EYS: variants seen among roughly 807,000 people sequenced by gnomAD.
EYS encodes EGF-like photoreceptor maintenance factor.
EYS carries 250 observed loss-of-function variants against 282.1 expected under a neutral mutation model. The observed-to-expected ratio is 0.89, with a 90% CI of 0.80 to 0.98. The LOEUF is 0.98. EYS is among the 50% of genes least tolerant of loss of function. The pLI is 0.00. For synonymous variants in EYS, 1,355 were observed against 1,282.9 expected (o/e 1.06, Z -1.20); for missense variants, 4,016 against 3,709.0 (o/e 1.08, Z -2.15).
At chr6:65,076,114 A>G (rs1774043264) in intron 12 of EYS, among the ~76,000 whole-genome samples, 1 of 152,044 alleles carries the variant, frequency 6.6e-6, no homozygotes, top group African/African-American at 2.4e-5. Context: ...TTTTAAAGGT[A>G]AAGATGATAG....
intron 10 of EYS, among the ~76,000 whole-genome samples, chr6:65,335,635 T>A (rs942312500): frequency 2.0e-5 from 3 of 151,668 alleles, no homozygotes; most frequent in African/African-American, 4.8e-5. Flanking sequence ...ATGGGATGTA[T>A]GTTACATACA....
intron 12 of EYS, among the ~76,000 whole-genome samples, chr6:65,268,758 C>T (rs941179879): frequency 5.3e-5 from 8 of 151,506 alleles, no homozygotes; most frequent in African/African-American, 1.7e-4. Context: ...TAGAACTAAA[C>T]GCAAGAGGAA....
intron 31 of EYS, among the ~76,000 whole-genome samples, chr6:64,094,301 T>C (rs1288104618): frequency 6.6e-6 from 1 of 151,928 alleles, no homozygotes; most frequent in African/African-American, 2.4e-5. Context: ...CTTTTTTTTC[T>C]ATTAATTGGA....
chr6:64,384,404 A>G (rs1326630232), intron 29 of EYS, among the ~76,000 whole-genome samples: 1 of 152,234 alleles, frequency 6.6e-6, no homozygotes, highest in Non-Finnish European at 1.5e-5. Flanking sequence ...TAGTACATGC[A>G]ATCACACATG....
chr6:65,023,545 G>C (rs1239687993), intron 13 of EYS, among the ~76,000 whole-genome samples: 1 of 152,118 alleles, frequency 6.6e-6, no homozygotes, highest in Non-Finnish European at 1.5e-5. Flanking sequence ...TCCAAAATAA[G>C]AAAAATGGGA....
chr6:65,624,850 A>G (rs1044689940), intron 2 of EYS, among the ~76,000 whole-genome samples: 1 of 152,108 alleles, frequency 6.6e-6, no homozygotes, highest in Non-Finnish European at 1.5e-5. Context: ...TGGCTTCCCT[A>G]CTTTTCAGAT....
intron 22 of EYS, among the ~76,000 whole-genome samples, chr6:64,695,231 A>G (rs1285380607): frequency 6.6e-6 from 1 of 152,048 alleles, no homozygotes; most frequent in Admixed American, 6.6e-5. Context: ...CTCATGGCTA[A>G]CAAAGGGCAA....
chr6:63,891,307 C>A (rs763265365), intron 35 of EYS, among the ~76,000 whole-genome samples: 2 of 152,152 alleles, frequency 1.3e-5, no homozygotes, highest in Non-Finnish European at 2.9e-5. Context: ...AGGCCAATAT[C>A]CCTGATGAAC....
At chr6:64,099,272 AAGT>A (rs1476892675) in intron 31 of EYS, among the ~76,000 whole-genome samples, 1 of 152,244 alleles carries the variant, frequency 6.6e-6, no homozygotes, top group African/African-American at 2.4e-5. Context: ...AATAATTAGT[AAGT>A]AGTAAGCCTA....
At chr6:65,029,998 T>G (rs1454969102) in intron 13 of EYS, among the ~76,000 whole-genome samples, 3 of 152,028 alleles carry the variant, frequency 2.0e-5, no homozygotes, top group Admixed American at 6.6e-5. Context: ...ACCATGGACA[T>G]TTGAGCTGAC....
intron 24 of EYS, 52 bp from the exon 25 acceptor site, chr6:64,593,361 A>T: frequency 7.1e-7 from 1 of 1,416,564 alleles, no homozygotes; most frequent in Non-Finnish European, 9.6e-7. Context: ...TTTGTTCCTA[A>T]GAGAAATTGT....
At chr6:64,592,612 T>G (rs1244252134) in intron 25 of EYS, among the ~76,000 whole-genome samples, 1 of 152,142 alleles carries the variant, frequency 6.6e-6, no homozygotes, top group Admixed American at 6.6e-5. Flanking sequence ...TAATATACAA[T>G]GTACTGTTTA....
At chr6:65,192,477 AC>A (rs1386895306) in intron 12 of EYS, among the ~76,000 whole-genome samples, 2 of 151,832 alleles carry the variant, frequency 1.3e-5, no homozygotes, top group East Asian at 3.9e-4. Flanking sequence ...ATAATTTTTT[AC>A]AAAAAAGGCT....
chr6:64,498,656 A>T (rs568252962), intron 26 of EYS, among the ~76,000 whole-genome samples: 20 of 150,086 alleles, frequency 1.3e-4, no homozygotes, highest in African/African-American at 4.4e-4. Context: ...CTGGTGTGTG[A>T]TGTTCCCCTC....
At chr6:65,410,811 G>T (rs1054495487) in intron 5 of EYS, among the ~76,000 whole-genome samples, 7 of 151,632 alleles carry the variant, frequency 4.6e-5, no homozygotes, top group Non-Finnish European at 8.8e-5. Context: ...TTCAACAATG[G>T]AAGAATGGAT....
At chr6:65,455,538 CAAAT>C (rs902051484) in intron 5 of EYS, among the ~76,000 whole-genome samples, 1 of 151,804 alleles carries the variant, frequency 6.6e-6, no homozygotes, top group African/African-American at 2.4e-5. Context: ...AGAGAAGACT[CAAAT>C]AAGTAAAATC....
intron 35 of EYS, among the ~76,000 whole-genome samples, chr6:63,898,950 C>G (rs1773599564): frequency 6.6e-6 from 1 of 152,060 alleles, no homozygotes; most frequent in African/African-American, 2.4e-5. Context: ...AATAAACATG[C>G]AGTCACAACC....
At chr6:65,319,204 C>CAAAAAAAAAAAAAAAAAAAAAAAAAA (rs55687610) in intron 11 of EYS, among the ~76,000 whole-genome samples, 1 of 44,394 alleles carries the variant, frequency 2.3e-5, no homozygotes, top group Non-Finnish European at 4.0e-5. Flanking sequence ...ACTAAAAATG[C>CAAAAAAAAAAAAAAAAAAAAAAAAAA]AAAAAAAAAA....
At chr6:65,028,742 G>A (rs186620467) in intron 13 of EYS, among the ~76,000 whole-genome samples, 2 of 152,138 alleles carry the variant, frequency 1.3e-5, no homozygotes, top group Admixed American at 1.3e-4. Flanking sequence ...AAAAATTTAT[G>A]TAATTTATCC....
Sources: allele counts gnomAD v4.1 joint callset (sites outside exome capture counted in the v4.1 genomes callset), GRCh38; gene constraint gnomAD v4.1.1; transcripts MANE v1.5; gene names NCBI Gene and HGNC (gene_info 2026-07-23, HGNC 2026-07-21).